The following CAMSAP3 variants were observed in gnomAD, a reference collection of about 807,000 sequenced individuals.
The protein encoded by CAMSAP3 is calmodulin-regulated spectrin-associated protein 3.
In CAMSAP3, 34 loss-of-function variants were observed where a neutral mutation model predicts 112.5. The observed-to-expected ratio is 0.30, with a 90% CI of 0.23 to 0.40. The LOEUF (loss-of-function observed/expected upper bound fraction) is 0.40. Ranked by LOEUF, CAMSAP3 falls within the 10% of genes least tolerant of loss-of-function variation. CAMSAP3 has a pLI of 1.00. For missense variants in CAMSAP3, 1,602 were observed against 1,770.3 expected (o/e 0.90, Z 1.71); for synonymous variants, 868 against 799.8 (o/e 1.09, Z -1.44).
In CAMSAP3 at chr19:7,616,599, CG is replaced by C; in HGVS notation, c.3193del (p.Val1065Ter). 6.2e-7 allele frequency: 1 copy of C among 1,610,008 alleles called. No homozygotes were observed. ...TVANEAHNNLGVKRPTSRAPS... is the reference protein window; with the variant it reads ...TVANEAHNNLXVKRPTSRAPS... The stretch of plus-strand genomic sequence containing the variant: ...TGGCCAACGAGGCCCACAATAACCT[CG>C]GGGTGAAGAGGCCCACGTCTCGGTG... On this transcript the variant is annotated frameshift_variant, in exon 14 of 17. Coordinates refer to ENST00000160298, the MANE Select transcript of CAMSAP3 (RefSeq NM_020902.2). LOFTEE classifies it high-confidence loss of function.
chr19:7,618,076 C>A lies in CAMSAP3; in HGVS notation c.*19C>A. On this transcript the variant is annotated 3_prime_UTR_variant, in exon 17 of 17. Transcript: ENST00000160298. ...CAAATAGCCCCACCCGGGCGGTCCA[C>A]GGGCCGGGCCCTGTGTGCTGCGGCC... 1 of 1,602,638 alleles carries A rather than the reference C, an allele frequency of 6.2e-7. No individual in the cohort carries two copies. The highest frequency in any genetic ancestry group is 2.2e-5 in the East Asian group (1 of 44,780).
intron 1 of CAMSAP3, among the ~76,000 whole-genome samples, chr19:7,598,422 G>A (rs981045736): frequency 2.0e-5 from 3 of 152,144 alleles, no homozygotes; most frequent in African/African-American, 7.2e-5. Flanking sequence ...GTACTGGGGA[G>A]CCACGGACAG....
chr19:7,613,170 C>T lies in CAMSAP3; in HGVS notation c.2670+7C>T. On this transcript the variant is annotated splice_region_variant and intron_variant, in intron 11 of 16. Coordinates refer to ENST00000160298, the MANE Select transcript of CAMSAP3 (RefSeq NM_020902.2). ...GCTGGGGTTCTTCTACAAGGTGAGT[C>T]CCCGAGCAGGTGGCTGGAGGGTCCT... 1 of 1,485,306 alleles carries T rather than the reference C, an allele frequency of 6.7e-7. No individual in the cohort carries two copies. Among genetic ancestry groups the T allele is most frequent in the Non-Finnish European group, 9.0e-7 (1 of 1,107,616 alleles). 92.0% of individuals were successfully genotyped at this position (1,485,306 alleles called of 1,614,324 possible).
chr19:7,607,913 G>C lies in CAMSAP3; in HGVS notation c.622-213G>C. 1.2e-6 allele frequency: 1 copy of C among 820,552 alleles called. No homozygotes were observed. Among genetic ancestry groups the C allele is most frequent in the Non-Finnish European group, 2.1e-6 (1 of 485,312 alleles). The allele number at this position is 820,552 out of a possible 1,614,324, so 50.8% of individuals were successfully genotyped here. ...GGGGTCCCAGGAGTCCCTGTCCCCA[G>C]CCCCCGCTGCTGGCCTGGCTGCTCG... On this transcript the variant is annotated intron_variant, in intron 4 of 16. Coordinates refer to ENST00000160298, the MANE Select transcript of CAMSAP3 (RefSeq NM_020902.2). This position sits in a 1 kb window ranked among gnomAD's most constrained non-coding sequence, Gnocchi z 4.9.
In CAMSAP3 at chr19:7,611,418, G is replaced by A; in HGVS notation, c.1124-99G>A. 8.5e-7 allele frequency: 1 copy of A among 1,172,926 alleles called. No individual in the cohort carries two copies. 72.7% of individuals were successfully genotyped at this position (1,172,926 alleles called of 1,614,324 possible). A position where few individuals can be genotyped will look rare whatever the true frequency, so the allele number is the denominator to read the frequency against. The stretch of plus-strand genomic sequence containing the variant: ...CTAGACCACATAATGAGCCATCAGT[G>A]ACTCACCCAATGACCTTGCAGAGGT... On this transcript the variant is annotated intron_variant, in intron 9 of 16. Coordinates refer to ENST00000160298, the MANE Select transcript of CAMSAP3 (RefSeq NM_020902.2). This position sits in a 1 kb window ranked among gnomAD's most constrained non-coding sequence, Gnocchi z 6.9.
rs1182364165 is a variant in CAMSAP3, at chr19:7,612,487, A to G, written c.1994A>G (p.Glu665Gly). 1.3e-6 allele frequency: 2 copies of G among 1,553,528 alleles called. No individual in the cohort carries two copies. Among genetic ancestry groups the G allele is most frequent in the Admixed American group, 1.9e-5 (1 of 52,274 alleles). Residue 665 changes from glutamate (E) to glycine (G), a missense_variant, in exon 11 of 17, where the codon GAG becomes GGG. Physicochemically the swap from Glu to Gly is moderately conservative, Grantham distance 98. Around this residue, in one of 6 missense-constraint regions of CAMSAP3, gnomAD observed 1,100 missense variants for 1,135.7 expected, o/e 0.97. Coordinates refer to ENST00000160298, the MANE Select transcript of CAMSAP3 (RefSeq NM_020902.2). ...EADSGPVPGG[E>G]RPAGEGQGEP... The stretch of plus-strand genomic sequence containing the variant: ...GATTCCGGTCCAGTCCCTGGTGGGG[A>G]GCGGCCCGCAGGCGAGGGCCAGGGT...
rs111796800 is a variant in CAMSAP3 at position 7,617,034 on chromosome 19, C to T, written c.3213-292C>T. Among the ~76,000 whole-genome samples the T allele has an allele frequency of 4.7e-5, 7 of 149,926 alleles. No homozygotes were observed. The highest frequency in any genetic ancestry group is 1.2e-4 in the African/African-American group (5 of 40,590). Reference sequence around the variant, plus strand: ...CGCAATCTTGGCTCACGGCAACCTCCGCCCCCTGGGTGCAAGTGATTCTCG... The same window carrying T: ...CGCAATCTTGGCTCACGGCAACCTCTGCCCCCTGGGTGCAAGTGATTCTCG... On this transcript the variant is annotated intron_variant, in intron 14 of 16. Transcript: ENST00000160298. The surrounding 1 kb of genome is among the most constrained non-coding windows in gnomAD (Gnocchi z 7.5).
chr19:7,617,677 C>G lies in CAMSAP3; in HGVS notation c.3444+16C>G, dbSNP rs758216057. The stretch of plus-strand genomic sequence containing the variant: ...CATTCTGGAGGTGAGCCCGCCCACA[C>G]GTGGGAGTTGGGGGCTGGTGGGTGG... On this transcript the variant is annotated intron_variant, in intron 16 of 16. Coordinates refer to ENST00000160298, the MANE Select transcript of CAMSAP3 (RefSeq NM_020902.2). This position sits in a 1 kb window ranked among gnomAD's most constrained non-coding sequence, Gnocchi z 7.5. The G allele has an allele frequency of 1.2e-6, 2 of 1,612,688 alleles. No homozygotes were observed. The highest frequency in any genetic ancestry group is 2.7e-5 in the African/African-American group (2 of 74,906).
At chr19:7,616,737 G>C in intron 14 of CAMSAP3, 115 bp downstream of exon 14, 1 of 726,934 alleles carries the variant, frequency 1.4e-6, no homozygotes, top group Non-Finnish European at 2.4e-6. Flanking sequence ...TTATGGATAC[G>C]CCATGAAGAG....
rs2030891526 is a variant in CAMSAP3 at position 7,617,811 on chromosome 19, G to A, written c.3504G>A (p.Gln1168=). ...TCCTCTTTCGCGACTCGAGCTGCCAGTTCCGGGCGCTCTACACGCTGTCGG... is the reference window on the plus strand; with the variant it reads ...TCCTCTTTCGCGACTCGAGCTGCCAATTCCGGGCGCTCTACACGCTGTCGG... ...FLILFRDSSC[Q]FRALYTLSGE... is the part of the protein sequence containing the mutation. The change falls in exon 17 of 17, where the codon CAG becomes CAA. Residue 1168 remains glutamine, a synonymous_variant. Transcript: ENST00000160298. This position sits in a 1 kb window ranked among gnomAD's most constrained non-coding sequence, Gnocchi z 7.5. The A allele has an allele frequency of 2.5e-6, 4 of 1,613,738 alleles. No individual in the cohort carries two copies. The highest frequency in any genetic ancestry group is 3.4e-6 in the Non-Finnish European group (4 of 1,179,978).
At chr19:7,598,447 A>G (rs1276881395) in intron 1 of CAMSAP3, among the ~76,000 whole-genome samples, 1 of 152,130 alleles carries the variant, frequency 6.6e-6, no homozygotes, top group Non-Finnish European at 1.5e-5. Context: ...GGGAACTGAC[A>G]AGATCAGGTA....
chr19:7,595,931 GGCGCGAGCGCGGCGCAGCCCA>G lies in CAMSAP3; in HGVS notation c.-69_-49del. On this transcript the variant is annotated 5_prime_UTR_variant, in exon 1 of 17. Transcript: ENST00000160298. ...CGGTAGCAGCAGCGGGCCCGGCTGGGGCGCGAGCGCGGCGCAGCCCAGCCCAGCCCAGTCCGAGCGCGGACC... is the reference window on the plus strand; with the variant it reads ...CGGTAGCAGCAGCGGGCCCGGCTGGGGCCCAGCCCAGTCCGAGCGCGGACC... The G allele has an allele frequency of 1.3e-6, 1 of 782,388 alleles. No individual in the cohort carries two copies. Among genetic ancestry groups the G allele is most frequent in the Admixed American group, 6.4e-5 (1 of 15,604 alleles). The allele number at this position is 782,388 out of a possible 1,614,324, so 48.5% of individuals were successfully genotyped here.
chr19:7,617,967 C>T lies in CAMSAP3; in HGVS notation c.3660C>T (p.Ser1220=), dbSNP rs764118439. Residue 1220 remains serine (S), a synonymous_variant, in exon 17 of 17, where the codon TCC becomes TCT. Transcript: ENST00000160298. This position sits in a 1 kb window ranked among gnomAD's most constrained non-coding sequence, Gnocchi z 7.5. ...CCCAGATCCCCGCCAAGACCATGTC[C>T]ATGAGCGTCGATGCCTTCACCATCC... is the stretch of plus-strand genomic sequence containing the variant. ...RFTQIPAKTM[S]MSVDAFTIQG... 6.8e-6 allele frequency: 11 copies of T among 1,614,072 alleles called. No homozygotes were observed. The South Asian group carries it at 7.7e-5, about 11-fold the overall frequency.
chr19:7,603,441 C>G (rs1042999377), intron 1 of CAMSAP3, among the ~76,000 whole-genome samples: 2 of 152,098 alleles, frequency 1.3e-5, no homozygotes, highest in Non-Finnish European at 2.9e-5. Flanking sequence ...TCTTGAACTC[C>G]TGACCTTAAA....
intron 1 of CAMSAP3, among the ~76,000 whole-genome samples, chr19:7,598,212 G>A (rs544111470): frequency 4.7e-4 from 71 of 152,156 alleles, no homozygotes; most frequent in Non-Finnish European, 8.7e-4. Flanking sequence ...GATCCCACAG[G>A]TGGAAAGATT....
At chr19:7,606,149 AAGCCC>A in intron 2 of CAMSAP3, 117 bp from the exon 3 acceptor site, 1 of 135,318 alleles carries the variant, frequency 7.4e-6, no homozygotes, top group Admixed American at 8.7e-5. Context: ...CCGCCCCCTC[AAGCCC>A]CACCCCCCCC....
rs1695584843 is a variant in CAMSAP3, at chr19:7,615,706, C to G, written c.3099C>G (p.Ala1033=). The change falls in exon 13 of 17, where the codon GCC becomes GCG. Residue 1033 remains alanine, a synonymous_variant. Transcript: ENST00000160298. The surrounding 1 kb of genome is among the most constrained non-coding windows in gnomAD (Gnocchi z 6.5). ...CDDSALARSP[A]RGLLGSRLSK... Reference sequence around the variant, plus strand: ...ACTCAGCCCTGGCACGAAGCCCAGCCCGCGGCCTGCTGGGTGAGGACCCTT... The same window carrying G: ...ACTCAGCCCTGGCACGAAGCCCAGCGCGCGGCCTGCTGGGTGAGGACCCTT... The G allele has an allele frequency of 2.1e-6, 3 of 1,406,136 alleles. No homozygotes were observed. The highest frequency in any genetic ancestry group is 2.8e-6 in the Non-Finnish European group (3 of 1,086,788). 87.1% of individuals were successfully genotyped at this position (1,406,136 alleles called of 1,614,324 possible).
Position 7,606,496 on chromosome 19 carries a change from G to C in CAMSAP3, c.546G>C (p.Glu182Asp), listed in dbSNP as rs773156983. 1 of 1,577,604 alleles carries C rather than the reference G, an allele frequency of 6.3e-7. No homozygotes were observed. The highest frequency in any genetic ancestry group is 1.1e-5 in the South Asian group (1 of 88,424). ...WVDTTVRRLQ[E>D]KTEQEAAQRA... The stretch of plus-strand genomic sequence containing the variant: ...TCCAGACCGTCCGGCGGCTGCAGGA[G>C]AAGACCGAGCAGGAAGCGGCCCAGC... Residue 182 changes from glutamate to aspartate, a missense_variant, in exon 4 of 17, where the codon GAG becomes GAC. Glu to Asp is a conservative substitution (Grantham distance 45, BLOSUM62 2). Transcript: ENST00000160298.
chr19:7,611,951 C>T lies in CAMSAP3; in HGVS notation c.1458C>T (p.His486=). 1 of 1,604,920 alleles carries T rather than the reference C, an allele frequency of 6.2e-7. No individual in the cohort carries two copies. Among genetic ancestry groups the T allele is most frequent in the Non-Finnish European group, 8.5e-7 (1 of 1,175,290 alleles). The change falls in exon 11 of 17, where the codon CAC becomes CAT. Residue 486 remains histidine (H), a synonymous_variant. Coordinates refer to ENST00000160298, the MANE Select transcript of CAMSAP3 (RefSeq NM_020902.2). The surrounding 1 kb of genome is among the most constrained non-coding windows in gnomAD (Gnocchi z 6.9). ...CGGCCGACGGCAGCTTCTACCTCCACTCCCCTGAGGGGCCCTCCAAGCCAT... is the reference window on the plus strand; with the variant it reads ...CGGCCGACGGCAGCTTCTACCTCCATTCCCCTGAGGGGCCCTCCAAGCCAT... The part of the protein sequence containing the change: ...DGAADGSFYL[H]SPEGPSKPSL...
Sources: allele counts gnomAD v4.1 joint callset (sites outside exome capture counted in the v4.1 genomes callset), GRCh38; gene constraint gnomAD v4.1.1; regional missense constraint gnomAD v4.1.1; non-coding constraint Gnocchi (gnomAD v3.1); transcripts MANE v1.5; gene names NCBI Gene and HGNC (gene_info 2026-07-23, HGNC 2026-07-21).